The following HVCN1 variants were observed in gnomAD, a reference collection of about 807,000 sequenced individuals.
HVCN1 encodes voltage-gated hydrogen channel 1.
In HVCN1, 14 loss-of-function variants were observed where a neutral mutation model predicts 29.2. The ratio of observed to expected loss-of-function variants is 0.48; its 90% confidence interval spans 0.32 to 0.75. HVCN1 has a LOEUF of 0.75. HVCN1 is among the 30% of genes least tolerant of loss of function. The probability of loss-of-function intolerance (pLI) is 0.04; values close to 1 mark genes in which losing one functional copy is unlikely to be tolerated. For missense variants in HVCN1, 263 were observed against 341.8 expected (o/e 0.77, Z 1.82); for synonymous variants, 131 against 133.2 (o/e 0.98, Z 0.11).
upstream of HVCN1, among the ~76,000 whole-genome samples, chr12:110,692,643 G>A (rs1210321086): frequency 6.6e-6 from 1 of 152,122 alleles, no homozygotes; most frequent in African/African-American, 2.4e-5. Flanking sequence ...AGAATCCCTT[G>A]AGCCCAGGAG....
At chr12:110,662,587 C>A (rs1234380047) in intron 3 of HVCN1, among the ~76,000 whole-genome samples, 1 of 152,186 alleles carries the variant, frequency 6.6e-6, no homozygotes, top group Admixed American at 6.5e-5. Flanking sequence ...TGCCTGTAAT[C>A]CCAGCTACTC....
intron 4 of HVCN1, 127 bp from the exon 5 acceptor site, chr12:110,655,465 C>T (rs1427812071): frequency 1.5e-6 from 1 of 682,986 alleles, no homozygotes; most frequent in Non-Finnish European, 2.6e-6. Context: ...GGATGGGAGG[C>T]TACTGCTATA....
intron 2 of HVCN1, among the ~76,000 whole-genome samples, chr12:110,701,883 AAACAACAACAAC>A (rs376581552): frequency 9.4e-5 from 14 of 149,684 alleles, no homozygotes; most frequent in Admixed American, 2.0e-4. Flanking sequence ...AACAAGAACA[AAACAACAACAAC>A]AACAACAACA....
upstream of HVCN1, among the ~76,000 whole-genome samples, chr12:110,692,101 A>G (rs969884730): frequency 1.3e-5 from 2 of 152,248 alleles, no homozygotes; most frequent in Admixed American, 6.5e-5. Context: ...TGCAGTAGGT[A>G]CTTTACATTC....
At position 110,678,439 on chromosome 12, in the gene HVCN1, C is replaced by CTTTTTTTTTTTTTTTT. The variant is rs538999674; in HGVS notation, c.21+4770_21+4785dup. The stretch of plus-strand genomic sequence containing the variant: ...TCTTATTTTCCATTTCATTCTATTT[C>CTTTTTTTTTTTTTTTT]TTTTTTTTTTTTTTTTTTTTTTTTT... On this transcript the variant is annotated intron_variant, in intron 3 of 7. Coordinates refer to ENST00000242607, the MANE Select transcript of HVCN1 (RefSeq NM_032369.4). Among the ~76,000 whole-genome samples the CTTTTTTTTTTTTTTTT allele has an allele frequency of 1.2e-4, 8 of 65,810 alleles. 1 individual carries two copies. Among genetic ancestry groups the CTTTTTTTTTTTTTTTT allele is most frequent in the East Asian group, 5.0e-4 (1 of 2,006 alleles). The allele number at this position is 65,810 out of a possible 152,430, so 43.2% of individuals were successfully genotyped here.
Position 110,661,534 on chromosome 12 carries a change from G to A in HVCN1, c.22-86C>T. The stretch of plus-strand genomic sequence containing the variant: ...CCCAGGCCGGGCCAGGCCACTGCAG[G>A]TGAAGATGGTCCCGGGTGCGTAGAA... On this transcript the variant is annotated intron_variant, in intron 3 of 7. Coordinates refer to ENST00000242607, the MANE Select transcript of HVCN1 (RefSeq NM_032369.4). The surrounding 1 kb of genome is among the most constrained non-coding windows in gnomAD (Gnocchi z 6.2). The A allele has an allele frequency of 1.5e-6, 2 of 1,322,092 alleles. No individual in the cohort carries two copies. Among genetic ancestry groups the A allele is most frequent in the Non-Finnish European group, 2.1e-6 (2 of 950,604 alleles). The allele number at this position is 1,322,092 out of a possible 1,614,324, so 81.9% of individuals were successfully genotyped here.
At chr12:110,687,822 C>T (rs2069251426) in intron 2 of HVCN1, among the ~76,000 whole-genome samples, 1 of 152,196 alleles carries the variant, frequency 6.6e-6, no homozygotes, top group South Asian at 2.1e-4. Context: ...AACACTCTGG[C>T]TTTCTCCTTC....
intron 3 of HVCN1, among the ~76,000 whole-genome samples, chr12:110,674,702 C>T (rs1322166858): frequency 6.6e-6 from 1 of 152,192 alleles, no homozygotes; most frequent in Non-Finnish European, 1.5e-5. Context: ...TCACCTCTTG[C>T]TGCCACCATG....
At chr12:110,655,639 G>A (rs2067963938) in intron 4 of HVCN1, among the ~76,000 whole-genome samples, 1 of 151,452 alleles carries the variant, frequency 6.6e-6, no homozygotes, top group African/African-American at 2.4e-5. Flanking sequence ...CTGACCTTTG[G>A]TCACTGTTTC....
intron 2 of HVCN1, among the ~76,000 whole-genome samples, chr12:110,684,063 G>A (rs951743734): frequency 6.6e-6 from 1 of 151,930 alleles, no homozygotes; most frequent in African/African-American, 2.4e-5. Context: ...GAAATGTCCG[G>A]AACAGGATAT....
chr12:110,651,351 A>G lies in HVCN1; in HGVS notation c.509T>C (p.Phe170Ser). Reference sequence around the variant, plus strand: ...CACCACGACGGCATCCAGGATCTCAAACTTGTGGTGAAAGAACTCCAGGCG... The same window carrying G: ...CACCACGACGGCATCCAGGATCTCAGACTTGTGGTGAAAGAACTCCAGGCG... ...VFRLEFFHHK[F>S]EILDAVVVVV... Residue 170 changes from phenylalanine to serine, a missense_variant, in exon 6 of 8, where the codon TTT (phenylalanine) becomes TCT (serine). Physicochemically the swap from Phe to Ser is radical, Grantham distance 155. Coordinates refer to ENST00000242607, the MANE Select transcript of HVCN1 (RefSeq NM_032369.4). 1 of 1,613,944 alleles carries G rather than the reference A, an allele frequency of 6.2e-7. No individual in the cohort carries two copies. Among genetic ancestry groups the G allele is most frequent in the East Asian group, 2.2e-5 (1 of 44,890 alleles).
At chr12:110,683,201 C>G in intron 3 of HVCN1, 24 bp downstream of exon 3, 1 of 1,613,922 alleles carries the variant, frequency 6.2e-7, no homozygotes, top group Non-Finnish European at 8.5e-7. Flanking sequence ...TCCTCTAATG[C>G]TGCAAGACCA....
intron 5 of HVCN1, among the ~76,000 whole-genome samples, chr12:110,654,401 A>G (rs2067915153): frequency 6.6e-6 from 1 of 151,874 alleles, no homozygotes; most frequent in Admixed American, 6.6e-5. Context: ...ACTTGCAAAG[A>G]CATACATTTG....
At chr12:110,689,185 G>GCCGCCC (rs956520689), upstream of HVCN1, 1 of 149,484 alleles carries the variant, frequency 6.7e-6, no homozygotes, top group Non-Finnish European at 1.5e-5. The surrounding 1 kb of genome is among the most constrained non-coding windows in gnomAD (Gnocchi z 5.7). Context: ...CCCCGCCCGG[G>GCCGCCC]CCGCCCCCGC....
intron 2 of HVCN1, among the ~76,000 whole-genome samples, chr12:110,697,543 C>G (rs550246784): frequency 6.6e-6 from 1 of 152,162 alleles, no homozygotes; most frequent in South Asian, 2.1e-4. Context: ...GGGAGGACAG[C>G]TGGAGGGGCC....
intron 3 of HVCN1, among the ~76,000 whole-genome samples, chr12:110,667,011 G>A (rs2068388037): frequency 6.6e-6 from 1 of 152,190 alleles, no homozygotes; most frequent in Admixed American, 6.5e-5. Context: ...CCTGTTGGCT[G>A]AGGGCACTGG....
chr12:110,667,279 C>T (rs913320694), intron 3 of HVCN1, among the ~76,000 whole-genome samples: 8 of 152,148 alleles, frequency 5.3e-5, no homozygotes, highest in South Asian at 4.1e-4. Flanking sequence ...GGATTACAGG[C>T]GCTGCCAACA....
chr12:110,683,406 A>G (rs1012600131), intron 2 of HVCN1, 142 bp from the exon 3 acceptor site: 7 of 971,772 alleles, frequency 7.2e-6, no homozygotes, highest in Non-Finnish European at 1.0e-5. Flanking sequence ...AGTACAAAGT[A>G]TATGTAGGAG....
chr12:110,704,437 C>T (rs2069588248), intron 1 of HVCN1, among the ~76,000 whole-genome samples: 1 of 151,820 alleles, frequency 6.6e-6, no homozygotes, highest in Non-Finnish European at 1.5e-5. Context: ...TTGCTTAAGC[C>T]CAGGAGTTTG....
Sources: gnomAD v4.1 joint callset for allele counts (sites outside exome capture counted in the v4.1 genomes callset) on GRCh38, gnomAD v4.1.1 for gene constraint, Gnocchi (gnomAD v3.1) non-coding constraint, MANE v1.5 for transcripts, NCBI Gene and HGNC (gene_info 2026-07-23, HGNC 2026-07-21) for gene names.